UNC5A: variants seen among roughly 807,000 people sequenced by gnomAD.
UNC5A encodes the protein netrin receptor UNC5A.
Under a neutral mutation model 87.4 loss-of-function variants are expected in UNC5A, and 20 were observed. The observed-to-expected ratio is 0.23, with a 90% CI of 0.16 to 0.33. UNC5A has a LOEUF of 0.33. UNC5A is among the 10% of genes least tolerant of loss of function. The pLI, the probability that UNC5A is intolerant of heterozygous loss-of-function variation, is 1.00. For missense variants in UNC5A, 844 were observed against 1,133.4 expected (o/e 0.74, Z 3.67); for synonymous variants, 438 against 482.3 (o/e 0.91, Z 1.20).
chr5:176,868,075 C>A, intron 2 of UNC5A, 55 bp from the exon 3 acceptor site: 1 of 1,570,678 alleles, frequency 6.4e-7, no homozygotes, highest in Admixed American at 1.9e-5. Flanking sequence ...GGAACCCACA[C>A]ACAGAAGCTC....
chr5:176,828,138 T>TTG (rs1027327904), intron 1 of UNC5A, among the ~76,000 whole-genome samples: 2 of 152,092 alleles, frequency 1.3e-5, no homozygotes, highest in African/African-American at 4.8e-5. Flanking sequence ...TGCTGCCGTT[T>TTG]TGTGTGTGTG....
intron 2 of UNC5A, among the ~76,000 whole-genome samples, chr5:176,863,268 G>A (rs1253858831): frequency 6.6e-6 from 1 of 152,196 alleles, no homozygotes; most frequent in Non-Finnish European, 1.5e-5. Flanking sequence ...GAGTGCAGAA[G>A]GGGGAAGTGC....
chr5:176,860,109 C>A (rs1465819355), intron 1 of UNC5A, among the ~76,000 whole-genome samples: 1 of 152,208 alleles, frequency 6.6e-6, no homozygotes, highest in African/African-American at 2.4e-5. Context: ...CAGCCAGGGA[C>A]CCCTGCCCAC....
chr5:176,857,367 A>T lies in UNC5A; in HGVS notation c.71-5257A>T, dbSNP rs540279948. Among the ~76,000 whole-genome samples, 15 of 152,286 alleles carry T rather than the reference A, an allele frequency of 9.8e-5. No homozygotes were observed. In the South Asian group the frequency reaches 3.1e-3, roughly 32 times the overall value. On this transcript the variant is annotated intron_variant, in intron 1 of 14. Coordinates refer to ENST00000329542, the MANE Select transcript of UNC5A (RefSeq NM_133369.3). ...CTTGGAAGAAGGTGGCATCCGTCCC[A>T]GGCTCAGTTCAGTCCAAGGCTCCTT...
chr5:176,842,376 A>G (rs1225166124), intron 1 of UNC5A, among the ~76,000 whole-genome samples: 2 of 152,212 alleles, frequency 1.3e-5, no homozygotes, highest in Non-Finnish European at 2.9e-5. Context: ...CCAGAGGAAA[A>G]GAAGTTATTA....
intron 1 of UNC5A, among the ~76,000 whole-genome samples, chr5:176,821,993 G>A (rs142859410): frequency 6.6e-6 from 1 of 152,244 alleles, no homozygotes; most frequent in Non-Finnish European, 1.5e-5. Context: ...TAGGACCTGG[G>A]AGGACTGTGC....
intron 6 of UNC5A, among the ~76,000 whole-genome samples, chr5:176,872,750 C>A (rs1158537817): frequency 8.6e-6 from 1 of 115,744 alleles, no homozygotes; most frequent in Non-Finnish European, 1.8e-5. Context: ...TCTGCCCACA[C>A]TCACCAACAC....
intron 1 of UNC5A, among the ~76,000 whole-genome samples, chr5:176,829,335 G>T (rs1404665644): frequency 2.9e-5 from 4 of 137,226 alleles, no homozygotes; most frequent in Non-Finnish European, 6.2e-5. Flanking sequence ...AAATATGGAT[G>T]GATGGATGGA....
At position 176,838,195 on chromosome 5, in the gene UNC5A, T is replaced by G. The variant is rs1321541210; in HGVS notation, c.71-24429T>G. On this transcript the variant is annotated intron_variant, in intron 1 of 14. Coordinates refer to ENST00000329542, the MANE Select transcript of UNC5A (RefSeq NM_133369.3). The surrounding 1 kb of genome is among the most constrained non-coding windows in gnomAD (Gnocchi z 4.2). ...CAAACCTGATTCTACTGCTTAACTC[T>G]GGGGGGAAGGAGCTGGAGAGGTGGG... 6.6e-6 allele frequency among the ~76,000 whole-genome samples: 1 copy of G among 152,182 alleles called. No individual in the cohort carries two copies.
chr5:176,832,243 C>G (rs184207094), intron 1 of UNC5A, among the ~76,000 whole-genome samples: 14 of 152,166 alleles, frequency 9.2e-5, no homozygotes, highest in Admixed American at 9.2e-4. Flanking sequence ...GAGGAGGTGC[C>G]GTTATTATGC....
At chr5:176,840,827 C>T (rs552647166) in intron 1 of UNC5A, among the ~76,000 whole-genome samples, 142 of 152,356 alleles carry the variant, frequency 9.3e-4, no homozygotes, top group African/African-American at 3.2e-3. Flanking sequence ...CATGAGCCCA[C>T]GCTGACAGCC....
Position 176,868,558 on chromosome 5 carries a change from T to C in UNC5A, c.437-3T>C, listed in dbSNP as rs975395985. 12 of 1,596,964 alleles carry C rather than the reference T, an allele frequency of 7.5e-6. No individual in the cohort carries two copies. Among genetic ancestry groups the C allele is most frequent in the Non-Finnish European group, 1.0e-5 (12 of 1,172,588 alleles). On this transcript the variant is annotated splice_region_variant and splice_polypyrimidine_tract_variant and intron_variant, in intron 3 of 14. Transcript: ENST00000329542. ...CAGGAGGACACTCTCATTCCTCTTCTAGATTTGCGCAAGAACTTCGAGCAG... is the reference window on the plus strand; with the variant it reads ...CAGGAGGACACTCTCATTCCTCTTCCAGATTTGCGCAAGAACTTCGAGCAG...
rs377189337 is a variant in UNC5A, at chr5:176,874,607, T to C, written c.1378+41T>C. On this transcript the variant is annotated intron_variant, in intron 8 of 14. Transcript: ENST00000329542. This position sits in a 1 kb window ranked among gnomAD's most constrained non-coding sequence, Gnocchi z 7.6. ...GGGGGCTCTGAGAGCTCCACTTCCC[T>C]CCTGGAGGAGGACGGGACAGCCGGA... 29 of 1,490,568 alleles carry C rather than the reference T, an allele frequency of 1.9e-5. No individual in the cohort carries two copies. The African/African-American group carries it at 2.5e-4, about 13-fold the overall frequency. The allele number at this position is 1,490,568 out of a possible 1,614,324, so 92.3% of individuals were successfully genotyped here.
chr5:176,813,224 G>C (rs1171592884), intron 1 of UNC5A, among the ~76,000 whole-genome samples: 1 of 152,216 alleles, frequency 6.6e-6, no homozygotes, highest in Non-Finnish European at 1.5e-5. Flanking sequence ...CTGCCCCTGT[G>C]GTCTCCCTGT....
chr5:176,850,867 C>T (rs145092426), intron 1 of UNC5A, among the ~76,000 whole-genome samples: 1 of 151,768 alleles, frequency 6.6e-6, no homozygotes, highest in Non-Finnish European at 1.5e-5. Context: ...GGTGTATGTG[C>T]CCACAAATGC....
chr5:176,836,832 A>G (rs1757157316), intron 1 of UNC5A, among the ~76,000 whole-genome samples: 1 of 152,238 alleles, frequency 6.6e-6, no homozygotes, highest in African/African-American at 2.4e-5. Context: ...TAGAGGTGAT[A>G]CAGGCTGGAA....
At chr5:176,826,616 A>G (rs907029468) in intron 1 of UNC5A, among the ~76,000 whole-genome samples, 1 of 144,142 alleles carries the variant, frequency 6.9e-6, no homozygotes, top group Non-Finnish European at 1.5e-5. Context: ...TGCGACCATC[A>G]CTTCTATCTA....
At chr5:176,878,148 C>T (rs374444125) in intron 11 of UNC5A, 21 bp downstream of exon 11, 9 of 1,604,528 alleles carry the variant, frequency 5.6e-6, no homozygotes, top group Non-Finnish European at 7.6e-6. Context: ...CCCCTCACCC[C>T]CCGCCGCTGG....
At chr5:176,830,709 T>C (rs1395852571) in intron 1 of UNC5A, among the ~76,000 whole-genome samples, 8 of 126,578 alleles carry the variant, frequency 6.3e-5, no homozygotes, top group Non-Finnish European at 1.4e-4. Flanking sequence ...CACTGGCGCG[T>C]GTGTGTGCTG....
Sources: gnomAD v4.1 joint callset for allele counts (sites outside exome capture counted in the v4.1 genomes callset) on GRCh38, gnomAD v4.1.1 for gene constraint, Gnocchi (gnomAD v3.1) non-coding constraint, MANE v1.5 for transcripts, NCBI Gene and HGNC (gene_info 2026-07-23, HGNC 2026-07-21) for gene names.